DPY19L2: variants seen among roughly 807,000 people sequenced by gnomAD.
DPY19L2 encodes the protein probable C-mannosyltransferase DPY19L2.
Under a neutral mutation model 97.9 loss-of-function variants are expected in DPY19L2, and 34 were observed. The ratio of observed to expected loss-of-function variants is 0.35; its 90% CI spans 0.26 to 0.46. The LOEUF (loss-of-function observed/expected upper bound fraction) is 0.46, where lower values mean the gene tolerates loss of function less well. Ranked by LOEUF, DPY19L2 falls within the 20% of genes least tolerant of loss-of-function variation. The probability of loss-of-function intolerance (pLI) is 1.00; values close to 1 mark genes in which losing one functional copy is unlikely to be tolerated. For synonymous variants in DPY19L2, 230 were observed against 307.9 expected, an observed-to-expected ratio of 0.75 and a Z score of 2.65; for missense variants, 623 against 911.4, an observed-to-expected ratio of 0.68 and a Z score of 4.07.
intron 12 of DPY19L2, among the ~76,000 whole-genome samples, chr12:63,600,942 T>C (rs1013963171): frequency 6.6e-6 from 1 of 151,870 alleles, no homozygotes; most frequent in African/African-American, 2.4e-5. Context: ...CCCACCACCA[T>C]GCCCGGCTAA....
intron 11 of DPY19L2, among the ~76,000 whole-genome samples, chr12:63,616,200 A>G (rs1458468060): frequency 1.3e-5 from 2 of 151,958 alleles, no homozygotes; most frequent in African/African-American, 4.8e-5. Flanking sequence ...ACTCATCAGT[A>G]TTAGCCAGCA....
intron 4 of DPY19L2, among the ~76,000 whole-genome samples, chr12:63,648,519 T>C (rs1845806533): frequency 1.3e-5 from 2 of 151,734 alleles, no homozygotes; most frequent in Non-Finnish European, 2.9e-5. Context: ...CTCTTCCTCC[T>C]GGGTTCAAGC....
At chr12:63,603,192 T>C (rs1885461435) in intron 12 of DPY19L2, among the ~76,000 whole-genome samples, 1 of 152,182 alleles carries the variant, frequency 6.6e-6, no homozygotes, top group Non-Finnish European at 1.5e-5. Flanking sequence ...AATTAAATCC[T>C]TGACTTAAAA....
At chr12:63,657,266 G>A (rs1352625349) in intron 4 of DPY19L2, among the ~76,000 whole-genome samples, 4 of 152,140 alleles carry the variant, frequency 2.6e-5, no homozygotes, top group Admixed American at 6.5e-5. Flanking sequence ...GTTTGTTGCC[G>A]CTATGGACAC....
intron 11 of DPY19L2, among the ~76,000 whole-genome samples, chr12:63,616,471 C>T (rs1887841707): frequency 1.3e-5 from 2 of 152,022 alleles, no homozygotes; most frequent in South Asian, 4.1e-4. Context: ...TAAATCACTG[C>T]ACCATACATG....
chr12:63,566,135 A>G (rs1734631252), intron 21 of DPY19L2, among the ~76,000 whole-genome samples: 1 of 152,044 alleles, frequency 6.6e-6, no homozygotes, highest in East Asian at 1.9e-4. Flanking sequence ...CAGTTTGCCA[A>G]TCTCCACCTT....
At chr12:63,561,318 T>C (rs1313441495) in intron 21 of DPY19L2, among the ~76,000 whole-genome samples, 2 of 152,152 alleles carry the variant, frequency 1.3e-5, no homozygotes, top group Non-Finnish European at 2.9e-5. Context: ...ATTTTATGTG[T>C]AAAGTTTGCC....
chr12:63,603,205 C>A (rs1007394518), intron 12 of DPY19L2, among the ~76,000 whole-genome samples: 34 of 152,116 alleles, frequency 2.2e-4, no homozygotes, highest in African/African-American at 8.2e-4. Context: ...ACTTAAAAAT[C>A]TAAATAAAGA....
chr12:63,566,161 TA>T (rs1877646720), intron 21 of DPY19L2, among the ~76,000 whole-genome samples: 1 of 152,114 alleles, frequency 6.6e-6, no homozygotes, highest in African/African-American at 2.4e-5. Context: ...TGGAAGAATT[TA>T]GTCCTCTTTC....
chr12:63,664,943 G>C (rs1265278706), intron 2 of DPY19L2, among the ~76,000 whole-genome samples: 2 of 152,118 alleles, frequency 1.3e-5, no homozygotes, highest in Non-Finnish European at 2.9e-5. Context: ...ATAGAACACA[G>C]GGGCAGATCT....
intron 19 of DPY19L2, among the ~76,000 whole-genome samples, chr12:63,573,856 G>A (rs1246628849): frequency 6.6e-6 from 1 of 152,008 alleles, no homozygotes; most frequent in African/African-American, 2.4e-5. Context: ...AAACCTAAAG[G>A]AGAAGACTTC....
chr12:63,588,038 T>A (rs1882119451), intron 16 of DPY19L2, among the ~76,000 whole-genome samples: 1 of 152,130 alleles, frequency 6.6e-6, no homozygotes. Flanking sequence ...TAAATGTATT[T>A]ACTAGGACAC....
intron 6 of DPY19L2, among the ~76,000 whole-genome samples, chr12:63,641,630 T>C (rs1254803544): frequency 1.5e-4 from 23 of 152,240 alleles, no homozygotes; most frequent in African/African-American, 5.5e-4. Context: ...ATGTTGTGTG[T>C]AGCTGTATAG....
rs1300128072 is a variant in DPY19L2, at chr12:63,600,356, T to C, written c.1309A>G (p.Thr437Ala). 3.7e-6 allele frequency: 6 copies of C among 1,607,702 alleles called. No individual in the cohort carries two copies. The highest frequency in any genetic ancestry group is 1.3e-5 in the African/African-American group (1 of 74,724). ...GATGTCAGAAATTTCAAAATGATTG[T>C]TCCACACCACCAGGCACTACCTTGA... is the stretch of plus-strand genomic sequence containing the variant. ...LIQGSAWWCG[T>A]IILKFLTSKI... Residue 437 changes from threonine to alanine, a missense_variant, in exon 13 of 22, where the codon ACA becomes GCA. Thr to Ala is a moderately conservative substitution (Grantham distance 58, BLOSUM62 0). This residue lies in a region of DPY19L2 where 294 missense variants were observed against 446.2 expected (regional missense o/e 0.66). Coordinates refer to ENST00000324472, the MANE Select transcript of DPY19L2 (RefSeq NM_173812.5).
chr12:63,655,781 T>C (rs971262267), intron 4 of DPY19L2, among the ~76,000 whole-genome samples: 1 of 152,148 alleles, frequency 6.6e-6, no homozygotes, highest in Non-Finnish European at 1.5e-5. Context: ...AAGTGGCTCC[T>C]GTTCTCCCAG....
chr12:63,658,169 TA>T (rs1427394934), intron 4 of DPY19L2, among the ~76,000 whole-genome samples: 21 of 152,132 alleles, frequency 1.4e-4, no homozygotes, highest in African/African-American at 5.1e-4. Flanking sequence ...ATATTAGGTG[TA>T]TTAGCCCTTT....
At chr12:63,569,400 A>G in intron 20 of DPY19L2, 51 bp from the exon 21 acceptor site, 1 of 1,349,622 alleles carries the variant, frequency 7.4e-7, no homozygotes, top group Non-Finnish European at 9.8e-7. Flanking sequence ...TGATAATAGA[A>G]TAGACTAAAA....
chr12:63,642,901 AAT>A (rs1251550648), intron 6 of DPY19L2, among the ~76,000 whole-genome samples: 1 of 152,116 alleles, frequency 6.6e-6, no homozygotes, highest in Non-Finnish European at 1.5e-5. Flanking sequence ...ATGAACGTGG[AAT>A]ATCTCTCCAC....
In DPY19L2 at chr12:63,664,860, C is replaced by T. The variant is rs544789928; in HGVS notation, c.362+975G>A. Among the ~76,000 whole-genome samples, 12 of 152,238 alleles carry T rather than the reference C, an allele frequency of 7.9e-5. No homozygotes were observed. In the South Asian group the frequency reaches 2.3e-3, roughly 29 times the overall value. ...GGGTACCAAAAACTGCAGGAATATT[C>T]TCTACCATTGCAGCCTCAGTTCTAA... On this transcript the variant is annotated intron_variant, in intron 2 of 21. Coordinates refer to ENST00000324472, the MANE Select transcript of DPY19L2 (RefSeq NM_173812.5).
Sources: gnomAD v4.1 joint callset for allele counts (sites outside exome capture counted in the v4.1 genomes callset) on GRCh38, gnomAD v4.1.1 for gene constraint, gnomAD v4.1.1 regional missense constraint, MANE v1.5 for transcripts, NCBI Gene and HGNC (gene_info 2026-07-23, HGNC 2026-07-21) for gene names.